CTIF: variants seen among roughly 807,000 people sequenced by gnomAD.
CTIF encodes the protein CBP80/20-dependent translation initiation factor.
In CTIF, 21 loss-of-function variants were observed where a neutral mutation model predicts 66.0. That is an observed-to-expected ratio of 0.32 (90% CI 0.23 to 0.46). The LOEUF is 0.46. Ranked by LOEUF, CTIF falls within the 20% of genes least tolerant of loss-of-function variation. The pLI, the probability that CTIF is intolerant of heterozygous loss-of-function variation, is 1.00. For synonymous variants in CTIF, 345 were observed against 326.4 expected (o/e 1.06, Z -0.62); for missense variants, 739 against 812.7 (o/e 0.91, Z 1.10).
intron 2 of CTIF, among the ~76,000 whole-genome samples, chr18:48,627,506 C>A (rs1189381946): frequency 6.6e-6 from 1 of 151,956 alleles, no homozygotes; most frequent in African/African-American, 2.4e-5. Context: ...ATCACTTGAG[C>A]CCAGGAGTTC....
chr18:48,838,523 G>A (rs2068864234), intron 10 of CTIF, among the ~76,000 whole-genome samples: 1 of 152,108 alleles, frequency 6.6e-6, no homozygotes, highest in South Asian at 2.1e-4. Flanking sequence ...CCCCTTTATA[G>A]TCACACTTCA....
At chr18:48,776,748 G>A (rs1308552145) in intron 9 of CTIF, among the ~76,000 whole-genome samples, 2 of 152,278 alleles carry the variant, frequency 1.3e-5, no homozygotes, top group Non-Finnish European at 2.9e-5. Flanking sequence ...CTAGGGAGAG[G>A]CTGGAACCCA....
At position 48,620,381 on chromosome 18, in the gene CTIF, G is replaced by C. The variant is rs933859861; in HGVS notation, c.180+636G>C. 3.3e-5 allele frequency among the ~76,000 whole-genome samples: 5 copies of C among 152,124 alleles called. No homozygotes were observed. In the South Asian group the frequency reaches 6.2e-4, roughly 19 times the overall value. ...TGTGAGCTGAGATTTGAAAGTCTTG[G>C]CTTCTCCCTCATAAAGTATGAATGC... On this transcript the variant is annotated intron_variant, in intron 2 of 11. Transcript: ENST00000256413.
intron 8 of CTIF, 128 bp downstream of exon 8, chr18:48,758,533 C>T (rs1908646866): frequency 1.6e-6 from 2 of 1,224,008 alleles, no homozygotes; most frequent in Non-Finnish European, 2.3e-6. Context: ...TACAGGGAAG[C>T]AGGGGCTTCG....
chr18:48,742,097 A>T (rs141117062), intron 7 of CTIF, among the ~76,000 whole-genome samples: 57 of 152,362 alleles, frequency 3.7e-4, no homozygotes, highest in Non-Finnish European at 6.8e-4. Flanking sequence ...GACATAGGCC[A>T]TAAACAAGGA....
chr18:48,568,633 TAAA>T (rs58084631), intron 1 of CTIF, among the ~76,000 whole-genome samples: 592 of 36,502 alleles, frequency 0.016, 2 homozygotes, highest in Middle Eastern at 0.062. Flanking sequence ...GGGCAATTTG[TAAA>T]AAAAAAAAAA....
At chr18:48,727,793 C>G (rs947917204) in intron 7 of CTIF, among the ~76,000 whole-genome samples, 10 of 152,216 alleles carry the variant, frequency 6.6e-5, no homozygotes, top group African/African-American at 2.4e-4. Flanking sequence ...TTTCTAAGAT[C>G]TTGACAAAGA....
Position 48,636,622 on chromosome 18 carries a change from G to A in CTIF, c.189G>A (p.Ala63=), listed in dbSNP as rs35875164. 6.6e-3 allele frequency: 10,509 copies of A among 1,583,110 alleles called. 58 individuals carry two copies. The highest frequency in any genetic ancestry group is 0.043 in the Middle Eastern group (255 of 5,936). ...RTQSHISQWT[A]DCSEPLDSSC... ...TCCTTTCTGTTCTGCAGTGGACAGC[G>A]GACTGCAGCGAACCGCTGGACAGCA... The change falls in exon 3 of 12, where the codon GCG becomes GCA. Residue 63 remains alanine, a synonymous_variant. Coordinates refer to ENST00000256413, the MANE Select transcript of CTIF (RefSeq NM_014772.3).
intron 9 of CTIF, among the ~76,000 whole-genome samples, chr18:48,808,672 T>A (rs1004990856): frequency 2.0e-5 from 3 of 152,224 alleles, no homozygotes; most frequent in African/African-American, 4.8e-5. Flanking sequence ...TTGCCACTGA[T>A]TTGTGGTCCT....
intron 10 of CTIF, among the ~76,000 whole-genome samples, chr18:48,849,605 GAGAC>G (rs1283424062): frequency 2.4e-5 from 1 of 41,722 alleles, no homozygotes; most frequent in Non-Finnish European, 4.6e-5. Context: ...TTTTTTTTTT[GAGAC>G]AGAGTTTCAC....
At chr18:48,648,418 G>A (rs1444019457) in intron 3 of CTIF, among the ~76,000 whole-genome samples, 1 of 151,690 alleles carries the variant, frequency 6.6e-6, no homozygotes, top group Non-Finnish European at 1.5e-5. Flanking sequence ...CCCCTTGGGG[G>A]TCTATTTCCC....
At chr18:48,775,476 A>ACT (rs1001502832) in intron 9 of CTIF, among the ~76,000 whole-genome samples, 32 of 152,210 alleles carry the variant, frequency 2.1e-4, no homozygotes, top group African/African-American at 7.7e-4. Context: ...GCACAGTAGG[A>ACT]CTTGAGGTTT....
chr18:48,799,325 A>G (rs2067999857), intron 9 of CTIF, among the ~76,000 whole-genome samples: 1 of 152,114 alleles, frequency 6.6e-6, no homozygotes. Flanking sequence ...TGGATGACCA[A>G]ACTGAGGCCC....
chr18:48,575,673 G>C (rs1185969180), intron 1 of CTIF, among the ~76,000 whole-genome samples: 1 of 152,124 alleles, frequency 6.6e-6, no homozygotes, highest in East Asian at 1.9e-4. Context: ...GCTCTCCCGG[G>C]AGGGTCTCTG....
At chr18:48,639,127 C>T (rs2090879930) in intron 3 of CTIF, among the ~76,000 whole-genome samples, 1 of 152,340 alleles carries the variant, frequency 6.6e-6, no homozygotes, top group African/African-American at 2.4e-5. Context: ...GACGCCCATG[C>T]CTGGAGAGCC....
At chr18:48,835,839 C>T (rs555038845) in intron 10 of CTIF, among the ~76,000 whole-genome samples, 1 of 152,052 alleles carries the variant, frequency 6.6e-6, no homozygotes, top group South Asian at 2.1e-4. Flanking sequence ...CCCCACCTGC[C>T]CTCACCCCTG....
intron 1 of CTIF, among the ~76,000 whole-genome samples, chr18:48,582,550 G>A (rs1223251993): frequency 6.6e-6 from 1 of 152,054 alleles, no homozygotes; most frequent in East Asian, 1.9e-4. Context: ...GGGCTCCTGA[G>A]GCACATTGCA....
rs899630334 is a variant in CTIF, at chr18:48,763,556, A to G, written c.1371+1867A>G. On this transcript the variant is annotated intron_variant, in intron 9 of 11. Coordinates refer to ENST00000256413, the MANE Select transcript of CTIF (RefSeq NM_014772.3). ...CTCAACAAAGTCCTCTGCATTCCCC[A>G]GTTAAGAACTACTTGTGGGATTAGT... is the stretch of plus-strand genomic sequence containing the variant. Among the ~76,000 whole-genome samples, 5 of 152,354 alleles carry G rather than the reference A, an allele frequency of 3.3e-5. No homozygotes were observed. In the East Asian group the frequency reaches 9.6e-4, roughly 29 times the overall value.
At chr18:48,621,497 G>T (rs1461542117) in intron 2 of CTIF, 9 of 349,296 alleles carry the variant, frequency 2.6e-5, no homozygotes, top group Non-Finnish European at 4.4e-5. Flanking sequence ...GCCCTGGAGT[G>T]GCCCCACATG....
Sources: allele counts gnomAD v4.1 joint callset (sites outside exome capture counted in the v4.1 genomes callset), GRCh38; gene constraint gnomAD v4.1.1; transcripts MANE v1.5; gene names NCBI Gene and HGNC (gene_info 2026-07-23, HGNC 2026-07-21).